Variants in ANO1 observed in about 807,000 individuals in gnomAD.
ANO1 encodes the protein anoctamin-1.
In ANO1, 59 loss-of-function variants were observed where a neutral mutation model predicts 124.0. The ratio of observed to expected loss-of-function variants is 0.48; its 90% CI spans 0.39 to 0.59. The LOEUF is 0.59. Ranked by LOEUF, ANO1 falls within the 20% of genes least tolerant of loss-of-function variation. The probability of loss-of-function intolerance (pLI) is 0.00; values close to 1 mark genes in which losing one functional copy is unlikely to be tolerated. For missense variants in ANO1, 1,059 were observed against 1,328.0 expected (o/e 0.80, Z 3.15); for synonymous variants, 529 against 532.0 (o/e 0.99, Z 0.08).
chr11:70,051,977 A>G (rs1857355102), intron 1 of ANO1, among the ~76,000 whole-genome samples: 2 of 152,208 alleles, frequency 1.3e-5, no homozygotes, highest in African/African-American at 2.4e-5. Flanking sequence ...AAGGTCATGA[A>G]GGTAGCCTCC....
intron 2 of ANO1, 123 bp from the exon 3 acceptor site, chr11:70,102,943 C>A: frequency 1.5e-6 from 1 of 658,704 alleles, no homozygotes; most frequent in Non-Finnish European, 2.6e-6. Flanking sequence ...GGAATGAGGC[C>A]GCGGTAAAAG....
upstream of ANO1, among the ~76,000 whole-genome samples, chr11:69,982,194 G>T (rs1554996315): frequency 6.6e-6 from 1 of 152,230 alleles, no homozygotes; most frequent in East Asian, 1.9e-4. Context: ...TCACCCCAGT[G>T]AATTGTTTAA....
intron 1 of ANO1, among the ~76,000 whole-genome samples, chr11:70,087,228 G>A (rs1565184402): frequency 6.6e-6 from 1 of 152,180 alleles, no homozygotes; most frequent in South Asian, 2.1e-4. Context: ...ATCACCTCAT[G>A]GAAAACTGGG....
At chr11:70,013,053 C>T (rs1856629258) in intron 1 of ANO1, among the ~76,000 whole-genome samples, 1 of 152,220 alleles carries the variant, frequency 6.6e-6, no homozygotes, top group Non-Finnish European at 1.5e-5. Flanking sequence ...AGGGATCTGA[C>T]CCAATGTGGG....
chr11:70,179,454 T>C (rs1244443305), intron 22 of ANO1, among the ~76,000 whole-genome samples: 1 of 152,154 alleles, frequency 6.6e-6, no homozygotes, highest in Non-Finnish European at 1.5e-5. Flanking sequence ...TGTGATCCTC[T>C]TGTTCATCTG....
chr11:70,083,902 C>T (rs1014697070), intron 1 of ANO1, among the ~76,000 whole-genome samples: 31 of 152,196 alleles, frequency 2.0e-4, no homozygotes, highest in Non-Finnish European at 3.7e-4. Context: ...CACAGAGAGA[C>T]CTGCAGAGGC....
intron 2 of ANO1, among the ~76,000 whole-genome samples, chr11:70,095,427 AAAAGAAAAG>A (rs1482508190): frequency 3.3e-5 from 1 of 30,658 alleles, no homozygotes; most frequent in South Asian, 1.1e-3. Flanking sequence ...AGAAAGAAAG[AAAAGAAAAG>A]AAAGAAAGAG....
intron 1 of ANO1, among the ~76,000 whole-genome samples, chr11:70,070,783 ATGAG>A (rs1225210494): frequency 6.6e-6 from 1 of 152,224 alleles, no homozygotes; most frequent in African/African-American, 2.4e-5. Context: ...GAGCGAATGA[ATGAG>A]TATGTAGCTG....
At chr11:70,013,202 C>CT (rs1856632013) in intron 1 of ANO1, among the ~76,000 whole-genome samples, 1 of 152,084 alleles carries the variant, frequency 6.6e-6, no homozygotes, top group Admixed American at 6.6e-5. Flanking sequence ...CAGGAAGTGC[C>CT]TGGCATGTTC....
intron 2 of ANO1, among the ~76,000 whole-genome samples, chr11:70,095,264 G>GTAA (rs2044812624): frequency 1.5e-5 from 1 of 68,688 alleles, no homozygotes; most frequent in African/African-American, 5.8e-5. Flanking sequence ...AGGAAGGAAG[G>GTAA]AAGGAAGGAA....
chr11:70,095,447 G>A (rs1399532849), intron 2 of ANO1, among the ~76,000 whole-genome samples: 4 of 143,652 alleles, frequency 2.8e-5, no homozygotes, highest in African/African-American at 5.0e-5. Flanking sequence ...AAAGAAAGAG[G>A]GAAAGAAAAT....
At chr11:70,111,189 A>G (rs1051018632) in intron 6 of ANO1, 19 of 457,772 alleles carry the variant, frequency 4.2e-5, no homozygotes, top group Non-Finnish European at 7.0e-5. Context: ...TGTGGGAAGT[A>G]TGGTAAGTGT....
intron 6 of ANO1, among the ~76,000 whole-genome samples, chr11:70,110,019 G>T (rs2045707185): frequency 6.6e-6 from 1 of 152,128 alleles, no homozygotes; most frequent in South Asian, 2.1e-4. Context: ...TGCAGGATGA[G>T]CAGGGTGGGG....
At position 70,161,342 on chromosome 11, in the gene ANO1, C is replaced by A. The variant is rs2048036283; in HGVS notation, c.1760C>A (p.Ala587Asp). Residue 587 changes from alanine (A) to aspartate (D), a missense_variant, in exon 17 of 26, where the codon GCC becomes GAC. Physicochemically the swap from Ala to Asp is moderately radical, Grantham distance 126 (BLOSUM62 -2). Around this residue, in one of 2 missense-constraint regions of ANO1, gnomAD observed 809 missense variants for 1,094.9 expected, o/e 0.74. Coordinates refer to ENST00000355303, the MANE Select transcript of ANO1 (RefSeq NM_018043.7). ...CTGGACGAGGTGTATGGCTGCATAGCCCGATGGCTCACCAAGATCGGTGAG... is the reference window on the plus strand; with the variant it reads ...CTGGACGAGGTGTATGGCTGCATAGACCGATGGCTCACCAAGATCGGTGAG... ...ILLDEVYGCI[A>D]RWLTKIEVPK... 6.2e-7 allele frequency: 1 copy of A among 1,613,812 alleles called. No homozygotes were observed. Among genetic ancestry groups the A allele is most frequent in the African/African-American group, 1.3e-5 (1 of 74,952 alleles).
chr11:70,050,735 C>T (rs142091660), intron 1 of ANO1, among the ~76,000 whole-genome samples: 3 of 152,290 alleles, frequency 2.0e-5, no homozygotes, highest in East Asian at 3.9e-4. Context: ...AGGCAGAAGA[C>T]GTGGTATTTG....
intron 22 of ANO1, among the ~76,000 whole-genome samples, chr11:70,179,659 A>T (rs1029974622): frequency 1.4e-4 from 21 of 152,222 alleles, no homozygotes; most frequent in Non-Finnish European, 1.5e-5. Context: ...CTGCACCCCA[A>T]TTGAATCTTG....
At chr11:70,055,166 G>T (rs1555006680) in intron 1 of ANO1, among the ~76,000 whole-genome samples, 1 of 151,956 alleles carries the variant, frequency 6.6e-6, no homozygotes, top group Non-Finnish European at 1.5e-5. Flanking sequence ...GGCTTAACAT[G>T]GTCTATTGTG....
chr11:69,966,393 C>G, the ANO1 span, among the ~76,000 whole-genome samples: 1 of 152,218 alleles, frequency 6.6e-6, no homozygotes, highest in Non-Finnish European at 1.5e-5. Context: ...TGGTTTTCAG[C>G]CTTCTTGCCC....
upstream of ANO1, among the ~76,000 whole-genome samples, chr11:70,074,771 G>A (rs1273756202): frequency 6.6e-6 from 1 of 152,178 alleles, no homozygotes; most frequent in Non-Finnish European, 1.5e-5. Flanking sequence ...TCATGGGTGG[G>A]TAGAGGTCAC....
Sources: allele counts gnomAD v4.1 joint callset (sites outside exome capture counted in the v4.1 genomes callset), GRCh38; gene constraint gnomAD v4.1.1; regional missense constraint gnomAD v4.1.1; transcripts MANE v1.5; gene names NCBI Gene and HGNC (gene_info 2026-07-23, HGNC 2026-07-21).